TMEM117: variants seen among roughly 807,000 people sequenced by gnomAD.
The protein encoded by TMEM117 is transmembrane protein 117.
Under a neutral mutation model 52.4 loss-of-function variants are expected in TMEM117, and 27 were observed. That is an observed-to-expected ratio of 0.51 (90% confidence interval 0.38 to 0.71). TMEM117 has a LOEUF of 0.71. Among genes scored for constraint, TMEM117 ranks in the 30% least tolerant of loss-of-function variants. The pLI is 0.00. For synonymous variants in TMEM117, 215 were observed against 206.3 expected, an observed-to-expected ratio of 1.04 and a Z score of -0.36; for missense variants, 556 against 630.5, an observed-to-expected ratio of 0.88 and a Z score of 1.26.
rs192818977 is a variant in TMEM117 at position 44,217,952 on chromosome 12, G to A, written c.608+6565G>A. Among the ~76,000 whole-genome samples, 18 of 152,222 alleles carry A rather than the reference G, an allele frequency of 1.2e-4. No individual in the cohort carries two copies. In the East Asian group the frequency reaches 2.9e-3, roughly 25 times the overall value. On this transcript the variant is annotated intron_variant, in intron 5 of 7. Coordinates refer to ENST00000266534, the MANE Select transcript of TMEM117 (RefSeq NM_032256.3). ...ATACTAGCAAACCAGGCTGGGGTGC[G>A]GTGGCTCATGCCTGTAATCCCAGCA...
intron 3 of TMEM117, among the ~76,000 whole-genome samples, chr12:44,044,551 A>G (rs1490964557): frequency 6.6e-6 from 1 of 152,214 alleles, no homozygotes; most frequent in East Asian, 1.9e-4. Flanking sequence ...AGTAAGTTAC[A>G]TGAGGAAGTG....
chr12:44,208,534 G>T (rs909774355), intron 4 of TMEM117, among the ~76,000 whole-genome samples: 9 of 152,036 alleles, frequency 5.9e-5, no homozygotes, highest in African/African-American at 2.2e-4. Context: ...ACCAACACCA[G>T]AAATGAATTT....
In TMEM117 at chr12:43,855,973, C is replaced by T. The variant is rs561803065; in HGVS notation, c.277+11045C>T. On this transcript the variant is annotated intron_variant, in intron 2 of 7. Coordinates refer to ENST00000266534, the MANE Select transcript of TMEM117 (RefSeq NM_032256.3). ...GGAATAAAAAACTATTATTTTAATA[C>T]AATGATATGGGTATGGTTTGACTTC... Among the ~76,000 whole-genome samples the T allele has an allele frequency of 2.6e-5, 4 of 152,246 alleles. No individual in the cohort carries two copies. In the South Asian group the frequency reaches 8.3e-4, roughly 32 times the overall value.
chr12:44,347,330 G>A (rs1199933186), intron 6 of TMEM117, among the ~76,000 whole-genome samples: 2 of 152,074 alleles, frequency 1.3e-5, no homozygotes, highest in South Asian at 2.1e-4. Context: ...CACAACCTGT[G>A]ATAGAATCAT....
At chr12:43,806,377 G>A in the TMEM117 span, 6 of 1,221,722 alleles carry the variant, frequency 4.9e-6, no homozygotes, top group Non-Finnish European at 5.1e-6. Context: ...GCCCCGCCCC[G>A]TGAGGTTGAC....
rs1443265684 is a variant in TMEM117, at chr12:44,388,795, A to G, written c.*123A>G. The G allele has an allele frequency of 1.1e-5, 11 of 1,015,458 alleles. No homozygotes were observed. The highest frequency in any genetic ancestry group is 2.6e-5 in the Admixed American group (1 of 38,562). The allele number at this position is 1,015,458 out of a possible 1,614,324, so 62.9% of individuals were successfully genotyped here. On this transcript the variant is annotated 3_prime_UTR_variant, in exon 8 of 8. Coordinates refer to ENST00000266534, the MANE Select transcript of TMEM117 (RefSeq NM_032256.3). ...TAGGTAAAAATATGAACAATGCCAC[A>G]ACGGTGCTCAACATGCTTTTTCTAG...
chr12:44,264,942 A>G (rs928358315), intron 5 of TMEM117, among the ~76,000 whole-genome samples: 1 of 152,190 alleles, frequency 6.6e-6, no homozygotes, highest in Non-Finnish European at 1.5e-5. Context: ...ATTTGCCCCA[A>G]AAGTGACAGA....
At chr12:44,122,187 G>A (rs960633205) in intron 3 of TMEM117, among the ~76,000 whole-genome samples, 1 of 151,742 alleles carries the variant, frequency 6.6e-6, no homozygotes, top group Non-Finnish European at 1.5e-5. Flanking sequence ...TGGGATTACA[G>A]GTGCCCACCA....
At chr12:44,055,380 A>G (rs1451563366) in intron 3 of TMEM117, among the ~76,000 whole-genome samples, 1 of 152,204 alleles carries the variant, frequency 6.6e-6, no homozygotes, top group African/African-American at 2.4e-5. Context: ...TACCCAGGAA[A>G]TGTTCTTTTA....
chr12:44,167,675 AG>A (rs1204569483), intron 4 of TMEM117, among the ~76,000 whole-genome samples: 1 of 152,174 alleles, frequency 6.6e-6, no homozygotes, highest in Non-Finnish European at 1.5e-5. Context: ...TCAAAAAAAA[AG>A]AACATAAGCT....
chr12:44,296,274 G>A (rs1950767647), intron 5 of TMEM117, among the ~76,000 whole-genome samples: 1 of 152,160 alleles, frequency 6.6e-6, no homozygotes, highest in Non-Finnish European at 1.5e-5. Context: ...GGGTCACTAG[G>A]TGGATCCTTG....
intron 5 of TMEM117, among the ~76,000 whole-genome samples, chr12:44,237,739 G>A (rs1950015617): frequency 6.6e-6 from 1 of 151,454 alleles, no homozygotes; most frequent in South Asian, 2.1e-4. Flanking sequence ...AACAAAACTG[G>A]GACTATAGCT....
At chr12:43,891,559 G>C (rs183944821) in intron 2 of TMEM117, among the ~76,000 whole-genome samples, 2 of 150,958 alleles carry the variant, frequency 1.3e-5, no homozygotes, top group Admixed American at 1.3e-4. Flanking sequence ...GTAGAGACAG[G>C]GTTTCACCAT....
At chr12:44,177,697 A>C (rs1335997791) in intron 4 of TMEM117, among the ~76,000 whole-genome samples, 1 of 152,186 alleles carries the variant, frequency 6.6e-6, no homozygotes, top group East Asian at 1.9e-4. Flanking sequence ...GAACTGATTA[A>C]AATTTAGCTA....
chr12:44,009,761 T>C (rs1946259488), intron 3 of TMEM117: 1 of 264,534 alleles, frequency 3.8e-6, no homozygotes. Context: ...AGGTTCTCTC[T>C]GCAAGCGTTT....
At chr12:43,797,487 C>A in the TMEM117 span, 1 of 1,501,766 alleles carries the variant, frequency 6.7e-7, no homozygotes. Flanking sequence ...TCATTAAAAC[C>A]AGATATAAGG....
intron 4 of TMEM117, among the ~76,000 whole-genome samples, chr12:44,193,340 G>A (rs561320641): frequency 6.6e-6 from 1 of 152,238 alleles, no homozygotes; most frequent in South Asian, 2.1e-4. Context: ...AAGTAAAACA[G>A]CAATCTTTTC....
At chr12:44,005,319 T>C (rs931604223) in intron 3 of TMEM117, among the ~76,000 whole-genome samples, 1 of 152,234 alleles carries the variant, frequency 6.6e-6, no homozygotes, top group Non-Finnish European at 1.5e-5. Context: ...AGTACAATTT[T>C]ATGAAATACT....
chr12:43,922,555 G>A (rs1944712790), intron 2 of TMEM117, among the ~76,000 whole-genome samples: 1 of 152,118 alleles, frequency 6.6e-6, no homozygotes, highest in Non-Finnish European at 1.5e-5. Flanking sequence ...TCATTAGGGC[G>A]TTCCGTTTGG....
Sources: allele counts gnomAD v4.1 joint callset (sites outside exome capture counted in the v4.1 genomes callset), GRCh38; gene constraint gnomAD v4.1.1; transcripts MANE v1.5; gene names NCBI Gene and HGNC (gene_info 2026-07-23, HGNC 2026-07-21).